Variants in CFAP45 observed in about 807,000 individuals in gnomAD.
CFAP45 encodes cilia and flagella associated protein 45.
A neutral mutation model predicts 75.6 loss-of-function variants in CFAP45; 43 were observed. The ratio of observed to expected loss-of-function variants is 0.57; its 90% CI spans 0.45 to 0.73. The LOEUF is 0.73. CFAP45 is among the 30% of genes least tolerant of loss of function. The probability of loss-of-function intolerance (pLI) is 0.00; values close to 1 mark genes in which losing one functional copy is unlikely to be tolerated. For missense variants in CFAP45, 689 were observed against 701.5 expected (o/e 0.98, Z 0.20); for synonymous variants, 223 against 244.6 (o/e 0.91, Z 0.82).
chr1:159,885,391 CA>C (rs1389139944), intron 6 of CFAP45, among the ~76,000 whole-genome samples: 2 of 152,062 alleles, frequency 1.3e-5, no homozygotes, highest in African/African-American at 4.8e-5. Context: ...GTGAATGTAC[CA>C]GGTATAGTAC....
intron 1 of CFAP45, among the ~76,000 whole-genome samples, chr1:159,897,806 A>C (rs980833635): frequency 3.3e-5 from 5 of 152,218 alleles, no homozygotes; most frequent in Non-Finnish European, 5.9e-5. Flanking sequence ...TTGAAAACAA[A>C]GCATAGCAAT....
At chr1:159,878,766 A>AAAAAC (rs1649473811) in intron 8 of CFAP45, among the ~76,000 whole-genome samples, 2 of 136,950 alleles carry the variant, frequency 1.5e-5, no homozygotes, top group African/African-American at 5.4e-5. Context: ...AAAAAAAAAA[A>AAAAAC]AAAAAAAAAA....
chr1:159,888,500 T>C lies in CFAP45; in HGVS notation c.273-4A>G, dbSNP rs3795334. The C allele has an allele frequency of 6.2e-7, 1 of 1,603,120 alleles. No homozygotes were observed. Among genetic ancestry groups the C allele is most frequent in the Non-Finnish European group, 8.5e-7 (1 of 1,170,702 alleles). ...GGAGGGATCCTCTGTGGGAACACTG[T>C]CACAAGAATAAACAGAGTTAGGGAG... is the stretch of plus-strand genomic sequence containing the variant. On this transcript the variant is annotated splice_region_variant and splice_polypyrimidine_tract_variant and intron_variant, in intron 3 of 11. Coordinates refer to ENST00000368099, the MANE Select transcript of CFAP45 (RefSeq NM_012337.3).
chr1:159,876,440 C>T, intron 10 of CFAP45, 116 bp downstream of exon 10: 1 of 763,512 alleles, frequency 1.3e-6, no homozygotes, highest in East Asian at 2.7e-5. Context: ...ATCCCACCAA[C>T]CCAGACAAGA....
At chr1:159,884,980 G>A (rs746314482) in intron 6 of CFAP45, among the ~76,000 whole-genome samples, 7 of 152,178 alleles carry the variant, frequency 4.6e-5, no homozygotes, top group South Asian at 2.1e-4. Context: ...AACCCAGGGT[G>A]TACAAGCAAT....
chr1:159,872,385 C>A lies in CFAP45; in HGVS notation c.*100G>T. 5 of 933,172 alleles carry A rather than the reference C, an allele frequency of 5.4e-6. No individual in the cohort carries two copies. In the South Asian group the frequency reaches 6.6e-5, roughly 12 times the overall value. 57.8% of individuals were successfully genotyped at this position (933,172 alleles called of 1,614,324 possible). Reference sequence around the variant, plus strand: ...TTCCTTAAAGTCAAGTAGATTTAATCTGTAACTATGAAATGTCTAGGTTAG... The same window carrying A: ...TTCCTTAAAGTCAAGTAGATTTAATATGTAACTATGAAATGTCTAGGTTAG... On this transcript the variant is annotated 3_prime_UTR_variant, in exon 12 of 12. Coordinates refer to ENST00000368099, the MANE Select transcript of CFAP45 (RefSeq NM_012337.3).
At chr1:159,890,716 A>T in intron 2 of CFAP45, 94 bp from the exon 3 acceptor site, 1 of 1,025,220 alleles carries the variant, frequency 9.8e-7, no homozygotes, top group Non-Finnish European at 1.5e-6. Context: ...GATGCCCTGT[A>T]TCTGAGCATG....
At position 159,888,343 on chromosome 1, in the gene CFAP45, G is replaced by T. The variant is rs779993381; in HGVS notation, c.417+9C>A. The T allele has an allele frequency of 4.3e-6, 7 of 1,613,712 alleles. No homozygotes were observed. The highest frequency in any genetic ancestry group is 3.3e-5 in the South Asian group (3 of 91,066). ...TCTGCAGAGGTGAAGGCTTAGGGAG[G>T]TTAACTACCATGGTGGCTTCCTTCT... On this transcript the variant is annotated intron_variant, in intron 4 of 11. Coordinates refer to ENST00000368099, the MANE Select transcript of CFAP45 (RefSeq NM_012337.3).
intron 10 of CFAP45, among the ~76,000 whole-genome samples, chr1:159,875,480 C>G (rs576009507): frequency 2.8e-4 from 42 of 152,230 alleles, no homozygotes; most frequent in African/African-American, 9.9e-4. Context: ...ATCTGGCTCT[C>G]GTAAGGATAG....
chr1:159,890,626 T>C lies in CFAP45; in HGVS notation c.130-4A>G. ...CGCTCTGGCCCTGGGCTGGGGACTA[T>C]GAGTTCAGAAAGAATAGCTTAGAAG... On this transcript the variant is annotated splice_region_variant and splice_polypyrimidine_tract_variant and intron_variant, in intron 2 of 11. Coordinates refer to ENST00000368099, the MANE Select transcript of CFAP45 (RefSeq NM_012337.3). 2 of 1,613,932 alleles carry C rather than the reference T, an allele frequency of 1.2e-6. No homozygotes were observed. Among genetic ancestry groups the C allele is most frequent in the Non-Finnish European group, 1.7e-6 (2 of 1,179,892 alleles).
intron 6 of CFAP45, among the ~76,000 whole-genome samples, chr1:159,885,824 C>T (rs1260566106): frequency 1.3e-5 from 2 of 151,578 alleles, no homozygotes; most frequent in African/African-American, 4.9e-5. Flanking sequence ...AGGGAGGTGA[C>T]AGCAAAGCTA....
chr1:159,873,249 G>T, intron 10 of CFAP45, 81 bp from the exon 11 acceptor site: 1 of 1,187,468 alleles, frequency 8.4e-7, no homozygotes, highest in Non-Finnish European at 1.2e-6. Flanking sequence ...CCTCCTGGGT[G>T]GGCTCCTTCA....
chr1:159,885,591 G>C (rs1483786035), intron 6 of CFAP45, among the ~76,000 whole-genome samples: 1 of 152,292 alleles, frequency 6.6e-6, no homozygotes. Flanking sequence ...ACAAAATGAA[G>C]GGGAGACTGA....
intron 6 of CFAP45, among the ~76,000 whole-genome samples, chr1:159,886,071 C>T (rs1649670747): frequency 4.6e-5 from 7 of 151,942 alleles, no homozygotes; most frequent in South Asian, 2.1e-4. Flanking sequence ...TGATTCTGGC[C>T]GGGCTCACGC....
At position 159,888,280 on chromosome 1, in the gene CFAP45, G is replaced by A. The variant is rs1649741939; in HGVS notation, c.417+72C>T. On this transcript the variant is annotated intron_variant, in intron 4 of 11. Coordinates refer to ENST00000368099, the MANE Select transcript of CFAP45 (RefSeq NM_012337.3). Reference sequence around the variant, plus strand: ...TTTGTGCCTCATTTCAGGGTCCCCTGATGAGAGTTCCCCAGTGCATTTTGA... The same window carrying A: ...TTTGTGCCTCATTTCAGGGTCCCCTAATGAGAGTTCCCCAGTGCATTTTGA... 5 of 1,492,344 alleles carry A rather than the reference G, an allele frequency of 3.4e-6. No homozygotes were observed. In the African/African-American group the frequency reaches 4.2e-5, roughly 13 times the overall value. The allele number at this position is 1,492,344 out of a possible 1,614,324, so 92.4% of individuals were successfully genotyped here.
At position 159,887,863 on chromosome 1, in the gene CFAP45, T is replaced by C; in HGVS notation, c.566A>G (p.Glu189Gly). The C allele has an allele frequency of 6.2e-7, 1 of 1,613,380 alleles. No homozygotes were observed. Among genetic ancestry groups the C allele is most frequent in the Non-Finnish European group, 8.5e-7 (1 of 1,179,518 alleles). Reference protein sequence around the residue: ...RANKLRMEQEEELKDMSKIIL... With the variant: ...RANKLRMEQEGELKDMSKIIL... ...CACCTTGCTCATGTCCTTGAGCTCC[T>C]CCTCCTGCTCCATCCGCAGCTTGTT... Residue 189 changes from glutamate (E) to glycine (G), a missense_variant, in exon 5 of 12, where the codon GAG becomes GGG. Physicochemically the swap from Glu to Gly is moderately conservative, Grantham distance 98 (BLOSUM62 -2). Transcript: ENST00000368099.
chr1:159,886,283 T>C (rs112132646), intron 6 of CFAP45, among the ~76,000 whole-genome samples: 1,659 of 151,268 alleles, frequency 0.011, 37 homozygotes, highest in African/African-American at 0.038. Flanking sequence ...GAGGTTACAG[T>C]GAGCCGAGAT....
chr1:159,896,054 C>T (rs549906486), intron 1 of CFAP45, among the ~76,000 whole-genome samples: 14 of 152,322 alleles, frequency 9.2e-5, no homozygotes, highest in South Asian at 8.3e-4. Context: ...TTCCAGATCA[C>T]GTATGTGGTC....
In CFAP45 at chr1:159,890,607, G is replaced by T. The variant is rs769433727; in HGVS notation, c.145C>A (p.Gln49Lys). Residue 49 changes from glutamine (Q) to lysine (K), a missense_variant, in exon 3 of 12, where the codon CAG (glutamine) becomes AAG (lysine). Physicochemically the swap from Gln to Lys is moderately conservative, Grantham distance 53 (BLOSUM62 1). Transcript: ENST00000368099. ...AGCAGCACAATGGGGCTGTCGCTCT[G>T]GCCCTGGGCTGGGGACTATGAGTTC... Reference protein sequence around the residue: ...FGDIKSPAQGQSDSPIVLLRD... With the variant: ...FGDIKSPAQGKSDSPIVLLRD... 1.9e-6 allele frequency: 3 copies of T among 1,614,076 alleles called. No homozygotes were observed. Among genetic ancestry groups the T allele is most frequent in the Non-Finnish European group, 2.5e-6 (3 of 1,179,986 alleles).
Sources: gnomAD v4.1 joint callset for allele counts (sites outside exome capture counted in the v4.1 genomes callset) on GRCh38, gnomAD v4.1.1 for gene constraint, MANE v1.5 for transcripts, NCBI Gene and HGNC (gene_info 2026-07-23, HGNC 2026-07-21) for gene names.